The following KLF7 variants were observed in gnomAD, a reference collection of about 807,000 sequenced individuals.
The protein encoded by KLF7 is Krueppel-like factor 7.
Under a neutral mutation model 27.3 loss-of-function variants are expected in KLF7, and 2 were observed. The observed-to-expected ratio is 0.07, with a 90% confidence interval of 0.03 to 0.23. KLF7 has a LOEUF of 0.23. Ranked by LOEUF, KLF7 falls within the 10% of genes least tolerant of loss-of-function variation. The probability of loss-of-function intolerance (pLI) is 1.00; values close to 1 mark genes in which losing one functional copy is unlikely to be tolerated. For synonymous variants in KLF7, 165 were observed against 162.4 expected, an observed-to-expected ratio of 1.02 and a Z score of -0.12; for missense variants, 221 against 394.1, an observed-to-expected ratio of 0.56 and a Z score of 3.72.
intron 2 of KLF7, among the ~76,000 whole-genome samples, chr2:207,112,322 CACTGCG>C: frequency 6.6e-6 from 1 of 151,998 alleles, no homozygotes; most frequent in East Asian, 1.9e-4. Context: ...CAGGTGTTAA[CACTGCG>C]ATCTTCTCGC....
At chr2:207,095,093 T>A (rs1490546750) in intron 2 of KLF7, among the ~76,000 whole-genome samples, 1 of 131,632 alleles carries the variant, frequency 7.6e-6, no homozygotes, top group Admixed American at 9.3e-5. Flanking sequence ...CAGGCTGGAG[T>A]GCAGTGGCGC....
Position 207,078,664 on chromosome 2 carries a change from AAAAG to A in KLF7, c.*2545_*2548del, listed in dbSNP as rs1458835263. Reference sequence around the variant, plus strand: ...CATGCTGGAGGCTGCTACATAAAGGAAAAGAAAGGAACCAACAGAATTCAGGGTG... The same window carrying A: ...CATGCTGGAGGCTGCTACATAAAGGAAAAGGAACCAACAGAATTCAGGGTG... On this transcript the variant is annotated 3_prime_UTR_variant, in exon 4 of 4. Coordinates refer to ENST00000309446, the MANE Select transcript of KLF7 (RefSeq NM_003709.4). The A allele has an allele frequency of 1.3e-5, 2 of 152,204 alleles. No individual in the cohort carries two copies. The highest frequency in any genetic ancestry group is 4.8e-5 in the African/African-American group (2 of 41,444). The allele number at this position is 152,204 out of a possible 1,614,324, so 9.4% of individuals were successfully genotyped here. A position where few individuals can be genotyped will look rare whatever the true frequency, so the allele number is the denominator to read the frequency against.
At chr2:207,163,066 G>A (rs571491736) in intron 1 of KLF7, among the ~76,000 whole-genome samples, 11 of 152,314 alleles carry the variant, frequency 7.2e-5, no homozygotes, top group African/African-American at 2.2e-4. Context: ...CTCAGAAGCA[G>A]CAAGACGGTT....
chr2:207,136,037 C>G (rs1028170807), intron 1 of KLF7, among the ~76,000 whole-genome samples: 3 of 152,116 alleles, frequency 2.0e-5, no homozygotes, highest in Non-Finnish European at 4.4e-5. Flanking sequence ...GATGAGTGAA[C>G]AAAACGCTAT....
intron 2 of KLF7, among the ~76,000 whole-genome samples, chr2:207,091,830 T>C (rs2105881380): frequency 6.6e-6 from 1 of 152,252 alleles, no homozygotes; most frequent in Non-Finnish European, 1.5e-5. Flanking sequence ...AGACTGCATC[T>C]CCCTAAACAC....
intron 1 of KLF7, among the ~76,000 whole-genome samples, chr2:207,138,301 G>GA (rs1376709342): frequency 1.3e-5 from 2 of 152,160 alleles, no homozygotes; most frequent in Admixed American, 6.5e-5. Flanking sequence ...TCCAAGGAAG[G>GA]TTGCTACATA....
chr2:207,095,040 T>A (rs1304373693), intron 2 of KLF7, among the ~76,000 whole-genome samples: 41 of 132,246 alleles, frequency 3.1e-4, no homozygotes, highest in Non-Finnish European at 1.9e-4. Flanking sequence ...TCTTTTTTTT[T>A]TTTTTTTTTT....
rs1205725671 is a variant in KLF7 at position 207,080,930 on chromosome 2, G to T, written c.*283C>A. On this transcript the variant is annotated 3_prime_UTR_variant, in exon 4 of 4. Transcript: ENST00000309446. ...AAGTAAGCAGCCAGTCTGCCTTGCTGAGTTCACCTGGTTTCCTTCTTCATC... is the reference window on the plus strand; with the variant it reads ...AAGTAAGCAGCCAGTCTGCCTTGCTTAGTTCACCTGGTTTCCTTCTTCATC... 3 of 435,558 alleles carry T rather than the reference G, an allele frequency of 6.9e-6. No homozygotes were observed. The highest frequency in any genetic ancestry group is 1.2e-5 in the Non-Finnish European group (3 of 247,384). 27.0% of individuals were successfully genotyped at this position (435,558 alleles called of 1,614,324 possible). A position where few individuals can be genotyped will look rare whatever the true frequency, so the allele number is the denominator to read the frequency against.
intron 1 of KLF7, among the ~76,000 whole-genome samples, chr2:207,160,108 T>C (rs2078500321): frequency 6.6e-6 from 1 of 152,256 alleles, no homozygotes; most frequent in Non-Finnish European, 1.5e-5. Flanking sequence ...CAATGTTACA[T>C]GTAACATGAA....
chr2:207,105,171 C>T (rs961007925), intron 2 of KLF7, among the ~76,000 whole-genome samples: 6 of 152,148 alleles, frequency 3.9e-5, no homozygotes, highest in Non-Finnish European at 7.4e-5. Flanking sequence ...ATGGAAACCC[C>T]GAAGGCCAAC....
intron 2 of KLF7, among the ~76,000 whole-genome samples, chr2:207,116,364 AT>A (rs2077187787): frequency 6.6e-6 from 1 of 152,186 alleles, no homozygotes; most frequent in African/African-American, 2.4e-5. Context: ...TTATATTTTA[AT>A]TTTTTTAAAA....
intron 1 of KLF7, among the ~76,000 whole-genome samples, chr2:207,137,978 GA>G (rs1553535775): frequency 6.6e-6 from 1 of 152,102 alleles, no homozygotes; most frequent in African/African-American, 2.4e-5. Context: ...ACATGACAGG[GA>G]AAAAAATCAA....
chr2:207,146,463 C>T (rs2078099587), intron 1 of KLF7, among the ~76,000 whole-genome samples: 1 of 152,174 alleles, frequency 6.6e-6, no homozygotes, highest in South Asian at 2.1e-4. Context: ...CTGCTGCTTC[C>T]CGTCTTGCTT....
rs995787934 is a variant in KLF7, at chr2:207,077,253, TG to T, written c.*3959del. On this transcript the variant is annotated 3_prime_UTR_variant, in exon 4 of 4. Transcript: ENST00000309446. ...GCAAGAGGCAATGTTCCGAATGCACTGGAAGAGCCATCCAAAAGCCCCATTT... is the reference window on the plus strand; with the variant it reads ...GCAAGAGGCAATGTTCCGAATGCACTGAAGAGCCATCCAAAAGCCCCATTT... 2.0e-5 allele frequency: 3 copies of T among 152,228 alleles called. No individual in the cohort carries two copies. The highest frequency in any genetic ancestry group is 6.5e-5 in the Admixed American group (1 of 15,286). 9.4% of individuals were successfully genotyped at this position (152,228 alleles called of 1,614,324 possible).
upstream of KLF7, among the ~76,000 whole-genome samples, chr2:207,172,039 C>A (rs988622520): frequency 6.6e-6 from 1 of 152,292 alleles, no homozygotes; most frequent in African/African-American, 2.4e-5. Flanking sequence ...ATGTATGGCA[C>A]CCTGACATAC....
chr2:207,090,147 G>A (rs1288832965), intron 2 of KLF7, among the ~76,000 whole-genome samples: 1 of 152,166 alleles, frequency 6.6e-6, no homozygotes, highest in Admixed American at 6.5e-5. Flanking sequence ...AGGGGAACGA[G>A]AAACACGGGC....
intron 2 of KLF7, among the ~76,000 whole-genome samples, chr2:207,095,074 T>G (rs1271095735): frequency 7.9e-6 from 1 of 126,534 alleles, no homozygotes; most frequent in African/African-American, 3.0e-5. Flanking sequence ...GGAGTCTCGC[T>G]CTGTTGCCCA....
intron 1 of KLF7, among the ~76,000 whole-genome samples, chr2:207,135,316 T>TA (rs11286796): frequency 4.9e-4 from 73 of 148,442 alleles, no homozygotes; most frequent in Non-Finnish European, 7.2e-4. Context: ...ATTGAGTGGT[T>TA]AAAAAAAAAA....
chr2:207,170,737 A>C (rs2078779172), upstream of KLF7, among the ~76,000 whole-genome samples: 1 of 152,240 alleles, frequency 6.6e-6, no homozygotes, highest in South Asian at 2.1e-4. Flanking sequence ...ATGATGGTTT[A>C]CTAATATTTT....
Sources: gnomAD v4.1 joint callset for allele counts (sites outside exome capture counted in the v4.1 genomes callset) on GRCh38, gnomAD v4.1.1 for gene constraint, MANE v1.5 for transcripts, NCBI Gene and HGNC (gene_info 2026-07-23, HGNC 2026-07-21) for gene names.